Variants in STK39 observed in about 807,000 individuals in gnomAD.
STK39 encodes STE20/SPS1-related proline-alanine-rich protein kinase.
A neutral mutation model predicts 77.8 loss-of-function variants in STK39; 20 were observed. That is an observed-to-expected ratio of 0.26 (90% CI 0.18 to 0.37). The LOEUF (loss-of-function observed/expected upper bound fraction) is 0.37, where lower values mean the gene tolerates loss of function less well. Among genes scored for constraint, STK39 ranks in the 10% least tolerant of loss-of-function variants. The pLI, the probability that STK39 is intolerant of heterozygous loss-of-function variation, is 1.00. For synonymous variants in STK39, 246 were observed against 234.1 expected (o/e 1.05, Z -0.47); for missense variants, 479 against 656.5 (o/e 0.73, Z 2.95).
In STK39 at chr2:168,033,413, T is replaced by C. The variant is rs543727016; in HGVS notation, c.1377-16318A>G. 2.0e-5 allele frequency among the ~76,000 whole-genome samples: 3 copies of C among 152,350 alleles called. No individual in the cohort carries two copies. In the South Asian group the frequency reaches 6.2e-4, roughly 32 times the overall value. ...CTACGAAACTATTCCTCCTGAGCAGTGAGCCAACAGTCAACATTTGGGATG... is the reference window on the plus strand; with the variant it reads ...CTACGAAACTATTCCTCCTGAGCAGCGAGCCAACAGTCAACATTTGGGATG... On this transcript the variant is annotated intron_variant, in intron 14 of 17. Coordinates refer to ENST00000355999, the MANE Select transcript of STK39 (RefSeq NM_013233.3).
At chr2:168,243,286 TTAC>T (rs1690817545) in intron 1 of STK39, among the ~76,000 whole-genome samples, 2 of 152,328 alleles carry the variant, frequency 1.3e-5, no homozygotes, top group South Asian at 2.1e-4. Flanking sequence ...CAATCTCATT[TTAC>T]AAGAGGCTGT....
chr2:168,053,443 C>T (rs930823402), intron 14 of STK39, among the ~76,000 whole-genome samples: 3 of 151,560 alleles, frequency 2.0e-5, no homozygotes, highest in African/African-American at 7.3e-5. Context: ...AAATATTTAC[C>T]AAGAGGCTAA....
At chr2:168,108,000 T>C (rs527776387) in intron 10 of STK39, among the ~76,000 whole-genome samples, 1 of 152,338 alleles carries the variant, frequency 6.6e-6, no homozygotes, top group South Asian at 2.1e-4. Flanking sequence ...AATGTTCTCA[T>C]CCTAATTCCA....
intron 14 of STK39, among the ~76,000 whole-genome samples, chr2:168,053,362 A>C (rs1685445173): frequency 6.6e-6 from 1 of 152,180 alleles, no homozygotes; most frequent in Admixed American, 6.5e-5. Flanking sequence ...ATAATAAAAT[A>C]AAAAGTTTAT....
rs181659370 is a variant in STK39, at chr2:168,019,690, T to C, written c.1377-2595A>G. The stretch of plus-strand genomic sequence containing the variant: ...CACTGTTTAAATAGCTTAAACTTTC[T>C]TTATATTTATTTATTTATTTTTTTG... On this transcript the variant is annotated intron_variant, in intron 14 of 17. Transcript: ENST00000355999. Among the ~76,000 whole-genome samples, 481 of 152,256 alleles carry C rather than the reference T, an allele frequency of 3.2e-3. 6 individuals carry two copies. Among genetic ancestry groups the C allele is most frequent in the Non-Finnish European group, 1.2e-3 (79 of 68,012 alleles).
intron 10 of STK39, among the ~76,000 whole-genome samples, chr2:168,079,204 C>T (rs367686041): frequency 6.6e-6 from 1 of 151,914 alleles, no homozygotes; most frequent in Non-Finnish European, 1.5e-5. Flanking sequence ...CCTCTCTGAC[C>T]ACCACCTCTC....
chr2:168,247,216 C>G lies in STK39; in HGVS notation c.208+12G>C. 1 of 1,202,610 alleles carries G rather than the reference C, an allele frequency of 8.3e-7. No homozygotes were observed. The highest frequency in any genetic ancestry group is 1.0e-6 in the Non-Finnish European group (1 of 963,724). 74.5% of individuals were successfully genotyped at this position (1,202,610 alleles called of 1,614,324 possible). A position where few individuals can be genotyped will look rare whatever the true frequency, so the allele number is the denominator to read the frequency against. On this transcript the variant is annotated intron_variant, in intron 1 of 17. Transcript: ENST00000355999. ...CGGCCTGTGCCGGCCCCGCCGCGCC[C>G]GCCGCACTGACCGATAACCTCCTGC...
At chr2:168,226,267 T>C (rs975191799) in intron 1 of STK39, among the ~76,000 whole-genome samples, 1 of 151,698 alleles carries the variant, frequency 6.6e-6, no homozygotes, top group Non-Finnish European at 1.5e-5. Flanking sequence ...TATGCAGACA[T>C]TTCACTGCAA....
intron 14 of STK39, among the ~76,000 whole-genome samples, chr2:168,056,126 CA>C (rs1685518922): frequency 6.6e-6 from 1 of 152,096 alleles, no homozygotes; most frequent in South Asian, 2.1e-4. Context: ...TTGCATATAA[CA>C]GCAAATTAAA....
chr2:167,972,814 C>T (rs1692386673), intron 16 of STK39, among the ~76,000 whole-genome samples: 1 of 152,106 alleles, frequency 6.6e-6, no homozygotes, highest in Non-Finnish European at 1.5e-5. Flanking sequence ...CTGTTTTCCT[C>T]ATGGAACCCC....
At chr2:168,101,439 TA>T (rs1228179115) in intron 10 of STK39, among the ~76,000 whole-genome samples, 2 of 152,168 alleles carry the variant, frequency 1.3e-5, no homozygotes, top group African/African-American at 2.4e-5. Context: ...GCTATGTTTT[TA>T]AAAAATATAT....
At chr2:168,145,231 C>G (rs561898813) in intron 5 of STK39, among the ~76,000 whole-genome samples, 3 of 152,140 alleles carry the variant, frequency 2.0e-5, no homozygotes, top group Non-Finnish European at 1.5e-5. Flanking sequence ...AAACTGACAG[C>G]TGCAAGGGTC....
chr2:168,118,253 A>G (rs1331480387), intron 10 of STK39, among the ~76,000 whole-genome samples: 3 of 152,140 alleles, frequency 2.0e-5, no homozygotes, highest in African/African-American at 7.2e-5. Flanking sequence ...AAAAGTTAGC[A>G]AATTTCCCAA....
intron 5 of STK39, among the ~76,000 whole-genome samples, chr2:168,154,459 A>T (rs1255191658): frequency 1.3e-5 from 2 of 152,254 alleles, no homozygotes; most frequent in Non-Finnish European, 2.9e-5. Context: ...CATATTCCAC[A>T]GAATGTAAAC....
chr2:168,063,271 C>T (rs1014738965), intron 14 of STK39, among the ~76,000 whole-genome samples: 4 of 152,104 alleles, frequency 2.6e-5, no homozygotes, highest in Non-Finnish European at 4.4e-5. Context: ...ATGAAAGGTA[C>T]ACTGAGCCTG....
chr2:168,064,439 G>C lies in STK39; in HGVS notation c.1306-869C>G, dbSNP rs76480151. On this transcript the variant is annotated intron_variant, in intron 13 of 17. Transcript: ENST00000355999. ...CGAATCCTGACTTGGCCTCTAACTA[G>C]TGGTGTGACTATGGGGGAGCCACTT... Among the ~76,000 whole-genome samples, 1,473 of 152,246 alleles carry C rather than the reference G, an allele frequency of 9.7e-3. 23 individuals carry two copies. The highest frequency in any genetic ancestry group is 0.034 in the African/African-American group (1,410 of 41,530).
At chr2:168,067,226 A>T (rs1685819375) in intron 12 of STK39, among the ~76,000 whole-genome samples, 1 of 152,216 alleles carries the variant, frequency 6.6e-6, no homozygotes, top group Non-Finnish European at 1.5e-5. Context: ...TGTCTCAAAA[A>T]AAAGAAAAAA....
chr2:168,138,925 T>G (rs1222657555), intron 7 of STK39, among the ~76,000 whole-genome samples: 4 of 152,114 alleles, frequency 2.6e-5, no homozygotes, highest in African/African-American at 9.7e-5. Flanking sequence ...AAGTATTTGC[T>G]TTAAAAAAAA....
chr2:168,061,183 A>G (rs1368247408), intron 14 of STK39, among the ~76,000 whole-genome samples: 2 of 151,880 alleles, frequency 1.3e-5, no homozygotes, highest in East Asian at 1.9e-4. Context: ...ATGTGCATGG[A>G]TATTTCAAAA....
Sources: gnomAD v4.1 joint callset for allele counts (sites outside exome capture counted in the v4.1 genomes callset) on GRCh38, gnomAD v4.1.1 for gene constraint, MANE v1.5 for transcripts, NCBI Gene and HGNC (gene_info 2026-07-23, HGNC 2026-07-21) for gene names.